Variants in YARS1 observed in about 807,000 individuals in gnomAD.
YARS1 encodes the protein tyrosine--tRNA ligase, cytoplasmic.
A neutral mutation model predicts 62.2 loss-of-function variants in YARS1; 36 were observed. The observed-to-expected ratio is 0.58, with a 90% CI of 0.44 to 0.76. The LOEUF (loss-of-function observed/expected upper bound fraction) is 0.76, where lower values mean the gene tolerates loss of function less well. Ranked by LOEUF, YARS1 falls within the 30% of genes least tolerant of loss-of-function variation. The probability of loss-of-function intolerance (pLI) is 0.00; values close to 1 mark genes in which losing one functional copy is unlikely to be tolerated. For synonymous variants in YARS1, 234 were observed against 244.9 expected (o/e 0.96, Z 0.42); for missense variants, 524 against 639.8 (o/e 0.82, Z 1.95).
chr1:32,801,344 A>T (rs1437947445), intron 4 of YARS1, among the ~76,000 whole-genome samples: 2 of 152,154 alleles, frequency 1.3e-5, no homozygotes, highest in Non-Finnish European at 2.9e-5. Flanking sequence ...GGTGCATATA[A>T]AAGTTGTGGT....
At chr1:32,797,930 G>A in intron 4 of YARS1, 87 bp from the exon 5 acceptor site, 2 of 1,176,540 alleles carry the variant, frequency 1.7e-6, no homozygotes, top group South Asian at 1.3e-5. Context: ...GAGTGCTGTG[G>A]CGTGATCTCG....
chr1:32,790,827 G>GT (rs1653391405), intron 6 of YARS1: 2 of 321,154 alleles, frequency 6.2e-6, no homozygotes, highest in Non-Finnish European at 1.2e-5. Flanking sequence ...GTGATATCAA[G>GT]TATTACCCTA....
chr1:32,787,103 T>C, intron 6 of YARS1, 28 bp from the exon 7 acceptor site: 2 of 1,613,836 alleles, frequency 1.2e-6, no homozygotes, highest in Non-Finnish European at 1.7e-6. Flanking sequence ...GAAGAGGACC[T>C]CTTGTGGTTG....
intron 12 of YARS1, among the ~76,000 whole-genome samples, chr1:32,778,427 G>C (rs1183841327): frequency 9.8e-6 from 1 of 102,328 alleles, no homozygotes; most frequent in Non-Finnish European, 2.1e-5. Flanking sequence ...TTTTTTTTTT[G>C]AGACAGAGTC....
At chr1:32,790,962 A>AT (rs1248771052) in intron 6 of YARS1, 200 bp downstream of exon 6, 1 of 588,976 alleles carries the variant, frequency 1.7e-6, no homozygotes, top group African/African-American at 1.9e-5. Flanking sequence ...AGCAAAAACC[A>AT]TTAAGTTATG....
intron 4 of YARS1, 86 bp downstream of exon 4, chr1:32,806,396 T>C (rs1638467528): frequency 6.9e-6 from 11 of 1,604,056 alleles, no homozygotes; most frequent in Admixed American, 1.7e-5. Flanking sequence ...ATCTGCGTAG[T>C]GCAGTAAAGC....
At chr1:32,810,072 C>T (rs1420954117) in intron 3 of YARS1, among the ~76,000 whole-genome samples, 1 of 148,114 alleles carries the variant, frequency 6.8e-6, no homozygotes, top group Non-Finnish European at 1.5e-5. Context: ...CGCCATTGCA[C>T]TCCAGCCTGG....
intron 3 of YARS1, among the ~76,000 whole-genome samples, chr1:32,809,879 G>A (rs932894596): frequency 3.9e-5 from 6 of 152,166 alleles, no homozygotes; most frequent in African/African-American, 1.4e-4. Flanking sequence ...ACCGAGGTGG[G>A]CGGATCACCT....
intron 5 of YARS1, among the ~76,000 whole-genome samples, chr1:32,793,853 A>T (rs1011006123): frequency 1.3e-5 from 2 of 152,238 alleles, no homozygotes; most frequent in African/African-American, 4.8e-5. Context: ...TTTCATACCC[A>T]GTGAAAGAAA....
intron 1 of YARS1, among the ~76,000 whole-genome samples, chr1:32,812,225 C>G (rs760204100): frequency 3.3e-5 from 5 of 152,172 alleles, no homozygotes; most frequent in Non-Finnish European, 7.4e-5. Context: ...GTTGCCCAGG[C>G]TGGTCTCGAA....
At position 32,806,504 on chromosome 1, in the gene YARS1, C is replaced by A. The variant is rs1638469949; in HGVS notation, c.488G>T (p.Gly163Val). The A allele has an allele frequency of 6.2e-7, 1 of 1,614,130 alleles. No individual in the cohort carries two copies. Among genetic ancestry groups the A allele is most frequent in the Non-Finnish European group, 8.5e-7 (1 of 1,180,034 alleles). ...VKQVEHPLLS[G>V]LLYPGLQALD... ...TACCTGCAGTCCGGGGTATAAGAGG[C>A]CACTCAGCAAAGGGTGCTCCACCTG... The change falls in exon 4 of 13, where the codon GGC becomes GTC. Residue 163 changes from glycine (G) to valine (V), a missense_variant. Physicochemically the swap from Gly to Val is moderately radical, Grantham distance 109 (BLOSUM62 -3). Transcript: ENST00000373477.
intron 1 of YARS1, 28 bp downstream of exon 1, chr1:32,817,160 C>T (rs1398392507): frequency 1.2e-6 from 2 of 1,613,844 alleles, no homozygotes; most frequent in African/African-American, 1.3e-5. Flanking sequence ...TAATCCCCAA[C>T]GGCGCATTTC....
intron 4 of YARS1, among the ~76,000 whole-genome samples, chr1:32,800,261 T>C (rs762314150): frequency 6.6e-5 from 10 of 152,004 alleles, no homozygotes; most frequent in Non-Finnish European, 8.8e-5. Flanking sequence ...GGATTACAGG[T>C]GCCAGCCACT....
At chr1:32,795,016 A>C (rs1475536614) in intron 5 of YARS1, among the ~76,000 whole-genome samples, 1 of 147,566 alleles carries the variant, frequency 6.8e-6, no homozygotes, top group African/African-American at 2.5e-5. Context: ...AAAAAAAAAA[A>C]AAAAAAAAAA....
intron 1 of YARS1, among the ~76,000 whole-genome samples, chr1:32,815,489 T>C (rs567773959): frequency 1.3e-5 from 2 of 151,852 alleles, no homozygotes; most frequent in East Asian, 3.9e-4. Flanking sequence ...GCAAAAACCT[T>C]TGGTTAAGAC....
intron 1 of YARS1, among the ~76,000 whole-genome samples, chr1:32,812,782 C>T (rs1638613222): frequency 6.6e-6 from 1 of 152,072 alleles, no homozygotes; most frequent in African/African-American, 2.4e-5. Flanking sequence ...CCAGCCTGGC[C>T]AACATGGTGA....
At chr1:32,814,800 T>C (rs1438906453) in intron 1 of YARS1, among the ~76,000 whole-genome samples, 1 of 152,376 alleles carries the variant, frequency 6.6e-6, no homozygotes, top group East Asian at 1.9e-4. Flanking sequence ...TTTTGTCCTA[T>C]GACAGTATTG....
At chr1:32,804,955 G>C (rs936287779) in intron 4 of YARS1, among the ~76,000 whole-genome samples, 3 of 152,184 alleles carry the variant, frequency 2.0e-5, no homozygotes, top group Non-Finnish European at 4.4e-5. Flanking sequence ...TGAGCACTGA[G>C]TGAGCGAGAC....
rs376445088 is a variant in YARS1 at position 32,815,028 on chromosome 1, A to G, written c.57+2160T>C. On this transcript the variant is annotated intron_variant, in intron 1 of 12. Transcript: ENST00000373477. The stretch of plus-strand genomic sequence containing the variant: ...GACACTTGGAGGGTTCTCACCATCC[A>G]AGAAGATGTCACATTACTTAGCCTT... 3.9e-5 allele frequency among the ~76,000 whole-genome samples: 6 copies of G among 152,306 alleles called. No individual in the cohort carries two copies. The East Asian group carries it at 1.2e-3, about 29-fold the overall frequency.
Sources: gnomAD v4.1 joint callset for allele counts (sites outside exome capture counted in the v4.1 genomes callset) on GRCh38, gnomAD v4.1.1 for gene constraint, MANE v1.5 for transcripts, NCBI Gene and HGNC (gene_info 2026-07-23, HGNC 2026-07-21) for gene names.